Variants in BLNK observed in about 807,000 individuals in gnomAD.
The protein encoded by BLNK is B cell linker, also known as B-cell linker protein.
Under a neutral mutation model 73.5 loss-of-function variants are expected in BLNK, and 29 were observed. The ratio of observed to expected loss-of-function variants is 0.39; its 90% CI spans 0.29 to 0.54. BLNK has a LOEUF of 0.54. Ranked by LOEUF, BLNK falls within the 20% of genes least tolerant of loss-of-function variation. The pLI is 0.61. For missense variants in BLNK, 460 were observed against 562.8 expected (o/e 0.82, Z 1.85); for synonymous variants, 176 against 200.8 (o/e 0.88, Z 1.04).
intron 7 of BLNK, chr10:96,216,324 G>C (rs587701284): frequency 3.0e-6 from 1 of 338,022 alleles, no homozygotes; most frequent in African/African-American, 2.1e-5. Flanking sequence ...AGGCCAACAT[G>C]GTGGCTTGTG....
chr10:96,266,427 C>A (rs2134152397), intron 1 of BLNK, among the ~76,000 whole-genome samples: 1 of 152,346 alleles, frequency 6.6e-6, no homozygotes, highest in South Asian at 2.1e-4. Context: ...CATGTGGACT[C>A]TGGTTTAGGG....
chr10:96,202,002 G>A (rs1345191550), intron 13 of BLNK, among the ~76,000 whole-genome samples: 8 of 152,168 alleles, frequency 5.3e-5, no homozygotes, highest in African/African-American at 1.9e-4. Flanking sequence ...GGAGGCACTG[G>A]ACATCCCAGG....
chr10:96,204,309 G>T, intron 12 of BLNK: 2 of 701,950 alleles, frequency 2.8e-6, no homozygotes, highest in Non-Finnish European at 4.8e-6. Context: ...CTAAAGTATT[G>T]TATTTTAGTC....
At chr10:96,209,584 G>C (rs1371541503) in intron 9 of BLNK, among the ~76,000 whole-genome samples, 1 of 152,068 alleles carries the variant, frequency 6.6e-6, no homozygotes, top group African/African-American at 2.4e-5. Context: ...GTAGAGACGG[G>C]GTTTCGCCAT....
At chr10:96,223,771 G>T in intron 6 of BLNK, 55 bp downstream of exon 6, 1 of 1,602,528 alleles carries the variant, frequency 6.2e-7, no homozygotes, top group African/African-American at 1.3e-5. Flanking sequence ...TGTCCTGGTC[G>T]CTTGCCCCAC....
intron 1 of BLNK, among the ~76,000 whole-genome samples, chr10:96,264,460 C>T (rs1356745962): frequency 6.6e-6 from 1 of 152,178 alleles, no homozygotes; most frequent in African/African-American, 2.4e-5. Flanking sequence ...CAAGAGACAG[C>T]GCTCTTCTGA....
chr10:96,197,664 CA>C (rs1328998868), intron 15 of BLNK, among the ~76,000 whole-genome samples: 1 of 152,052 alleles, frequency 6.6e-6, no homozygotes, highest in Non-Finnish European at 1.5e-5. Context: ...GGTTGGGAAT[CA>C]AAACTTTCAT....
At position 96,243,513 on chromosome 10, in the gene BLNK, CT is replaced by C. The variant is rs1842941143; in HGVS notation, c.114-730del. On this transcript the variant is annotated intron_variant, in intron 2 of 16. Coordinates refer to ENST00000224337, the MANE Select transcript of BLNK (RefSeq NM_013314.4). The stretch of plus-strand genomic sequence containing the variant: ...AGTGAGCCATGATCACGCCCCTGTA[CT>C]CCAGCTTGGGCGACAGAGCGAGACA... 3.3e-5 allele frequency among the ~76,000 whole-genome samples: 5 copies of C among 152,188 alleles called. No individual in the cohort carries two copies. In the East Asian group the frequency reaches 9.6e-4, roughly 29 times the overall value.
At chr10:96,263,795 CAG>C (rs1843867969) in intron 1 of BLNK, among the ~76,000 whole-genome samples, 2 of 152,196 alleles carry the variant, frequency 1.3e-5, no homozygotes, top group South Asian at 4.1e-4. Context: ...GCTTAACACA[CAG>C]TGAAGAGGAG....
rs587639253 is a variant in BLNK, at chr10:96,223,003, T to C, written c.525+823A>G. On this transcript the variant is annotated intron_variant, in intron 6 of 16. Coordinates refer to ENST00000224337, the MANE Select transcript of BLNK (RefSeq NM_013314.4). Reference sequence around the variant, plus strand: ...GCGCCAGGGAAAAGCAGTCTCCCAATAGATAGAAAAAACCTGAAACTGGTG... The same window carrying C: ...GCGCCAGGGAAAAGCAGTCTCCCAACAGATAGAAAAAACCTGAAACTGGTG... 2.6e-5 allele frequency among the ~76,000 whole-genome samples: 4 copies of C among 151,820 alleles called. No individual in the cohort carries two copies. The South Asian group carries it at 8.3e-4, about 32-fold the overall frequency.
At chr10:96,254,461 G>T (rs945634328) in intron 1 of BLNK, among the ~76,000 whole-genome samples, 2 of 152,236 alleles carry the variant, frequency 1.3e-5, no homozygotes, top group Non-Finnish European at 2.9e-5. Context: ...ACTCTAACCC[G>T]AGGAGCTGAC....
At chr10:96,247,646 G>A (rs782317110) in intron 1 of BLNK, among the ~76,000 whole-genome samples, 1 of 152,174 alleles carries the variant, frequency 6.6e-6, no homozygotes, top group Non-Finnish European at 1.5e-5. Flanking sequence ...CCATGCACAA[G>A]TAACAAAAGG....
chr10:96,249,551 A>C (rs1404873949), intron 1 of BLNK, among the ~76,000 whole-genome samples: 1 of 152,330 alleles, frequency 6.6e-6, no homozygotes, highest in Non-Finnish European at 1.5e-5. Flanking sequence ...GGGAATTGGG[A>C]AAAGGGAGAT....
chr10:96,189,498 G>T lies in BLNK; in HGVS notation c.*2475C>A, dbSNP rs1199733582. ...TTTTTCTATACTTGCTTGCATTTTTGATTTAATGTCTTCTACAGAACTAGG... is the reference window on the plus strand; with the variant it reads ...TTTTTCTATACTTGCTTGCATTTTTTATTTAATGTCTTCTACAGAACTAGG... On this transcript the variant is annotated 3_prime_UTR_variant, in exon 17 of 17. Coordinates refer to ENST00000224337, the MANE Select transcript of BLNK (RefSeq NM_013314.4). 8 of 637,024 alleles carry T rather than the reference G, an allele frequency of 1.3e-5. No individual in the cohort carries two copies. Among genetic ancestry groups the T allele is most frequent in the Non-Finnish European group, 1.8e-5 (6 of 341,646 alleles). The allele number at this position is 637,024 out of a possible 1,614,324, so 39.5% of individuals were successfully genotyped here.
intron 1 of BLNK, 40 bp downstream of exon 1, chr10:96,271,312 A>T (rs967987754): frequency 6.2e-7 from 1 of 1,606,034 alleles, no homozygotes. Flanking sequence ...GGGGGGAAAA[A>T]AAGGAGATGA....
intron 6 of BLNK, among the ~76,000 whole-genome samples, chr10:96,223,266 G>C (rs587760561): frequency 1.3e-5 from 2 of 152,274 alleles, no homozygotes; most frequent in South Asian, 2.1e-4. Flanking sequence ...AAGAATCAGG[G>C]GAGAAGGGAC....
At chr10:96,235,368 A>G (rs1591339760) in intron 3 of BLNK, among the ~76,000 whole-genome samples, 1 of 152,200 alleles carries the variant, frequency 6.6e-6, no homozygotes, top group South Asian at 2.1e-4. Flanking sequence ...TCTAAAGGAT[A>G]GGTATTCTTA....
At chr10:96,216,282 C>T (rs1462032802) in intron 7 of BLNK, 5 of 264,048 alleles carry the variant, frequency 1.9e-5, no homozygotes, top group Non-Finnish European at 3.7e-5. Flanking sequence ...TTTCACTCCT[C>T]TGCAGAAACT....
At chr10:96,253,763 C>T (rs1564848164) in intron 1 of BLNK, among the ~76,000 whole-genome samples, 2 of 152,050 alleles carry the variant, frequency 1.3e-5, no homozygotes, top group Non-Finnish European at 2.9e-5. Flanking sequence ...CGCCTGTAAT[C>T]CCAGCACTTT....
Sources: gnomAD v4.1 joint callset for allele counts (sites outside exome capture counted in the v4.1 genomes callset) on GRCh38, gnomAD v4.1.1 for gene constraint, MANE v1.5 for transcripts, NCBI Gene and HGNC (gene_info 2026-07-23, HGNC 2026-07-21) for gene names.